Variants in BORA observed in about 807,000 individuals in gnomAD.
The protein encoded by BORA is BORA aurora kinase A activator, also known as protein aurora borealis.
A neutral mutation model predicts 55.8 loss-of-function variants in BORA; 26 were observed. The observed-to-expected ratio is 0.47, with a 90% CI of 0.34 to 0.65. BORA has a LOEUF of 0.65. Among genes scored for constraint, BORA ranks in the 30% least tolerant of loss-of-function variants. The probability of loss-of-function intolerance (pLI) is 0.01; values close to 1 mark genes in which losing one functional copy is unlikely to be tolerated. For missense variants in BORA, 568 were observed against 671.5 expected (o/e 0.85, Z 1.70); for synonymous variants, 201 against 216.9 (o/e 0.93, Z 0.64).
intron 10 of BORA, among the ~76,000 whole-genome samples, chr13:72,747,682 C>T (rs1051558538): frequency 6.6e-6 from 1 of 151,750 alleles, no homozygotes; most frequent in Non-Finnish European, 1.5e-5. Flanking sequence ...TACAGGTGTG[C>T]GTCACCACAC....
intron 9 of BORA, 42 bp from the exon 10 acceptor site, chr13:72,746,459 A>T (rs776013486): frequency 3.2e-6 from 5 of 1,553,646 alleles, no homozygotes; most frequent in Non-Finnish European, 4.3e-6. Flanking sequence ...TTCCATTTTC[A>T]TGTTTTTATG....
In BORA at chr13:72,743,269, A is replaced by C. The variant is rs192920121; in HGVS notation, c.389-268A>C. ...TTGAAACATCACATTGTACCCCATA[A>C]ATGTATACAATTATTTAAAGAAAAA... On this transcript the variant is annotated intron_variant, in intron 5 of 11. Transcript: ENST00000390667. Among the ~76,000 whole-genome samples the C allele has an allele frequency of 4.6e-5, 7 of 152,296 alleles. No homozygotes were observed. The East Asian group carries it at 1.2e-3, about 25-fold the overall frequency.
chr13:72,734,339 C>T (rs189909977), intron 3 of BORA, among the ~76,000 whole-genome samples: 1 of 152,078 alleles, frequency 6.6e-6, no homozygotes, highest in East Asian at 1.9e-4. Flanking sequence ...GAGTCCTTGG[C>T]AAGTATATGC....
intron 10 of BORA, among the ~76,000 whole-genome samples, chr13:72,748,725 ACTTTCTCTCTCT>A (rs1308038629): frequency 4.7e-5 from 3 of 63,536 alleles, no homozygotes; most frequent in Non-Finnish European, 8.6e-5. Flanking sequence ...GCCTTTTTTC[ACTTTCTCTCTCT>A]CTCTCTCTCT....
intron 6 of BORA, 151 bp from the exon 7 acceptor site, chr13:72,744,354 G>A: frequency 4.8e-6 from 3 of 631,532 alleles, no homozygotes; most frequent in Middle Eastern, 4.4e-4. Context: ...AGGTGGCAGG[G>A]TATGTGATAG....
intron 3 of BORA, among the ~76,000 whole-genome samples, chr13:72,734,525 C>T (rs1253514016): frequency 6.6e-6 from 1 of 152,152 alleles, no homozygotes; most frequent in Non-Finnish European, 1.5e-5. Context: ...CTATCCTCAT[C>T]TATTTTACAG....
intron 6 of BORA, 62 bp downstream of exon 6, chr13:72,743,664 C>T: frequency 7.8e-7 from 1 of 1,287,530 alleles, no homozygotes; most frequent in Non-Finnish European, 1.1e-6. Context: ...GAATTCTAAA[C>T]CCAGTTCAGG....
At chr13:72,737,940 T>C (rs1359664300) in intron 4 of BORA, 22 bp from the exon 5 acceptor site, 3 of 1,512,212 alleles carry the variant, frequency 2.0e-6, no homozygotes, top group Non-Finnish European at 1.8e-6. Context: ...TATGCCTAAT[T>C]GTATGACTTT....
intron 10 of BORA, chr13:72,752,635 G>C (rs955725340): frequency 2.4e-4 from 36 of 152,166 alleles, no homozygotes; most frequent in African/African-American, 8.7e-4. Flanking sequence ...AGTAGCTATT[G>C]AATGATAGCA....
At chr13:72,733,401 A>G (rs1176724073) in intron 3 of BORA, among the ~76,000 whole-genome samples, 1 of 152,188 alleles carries the variant, frequency 6.6e-6, no homozygotes, top group African/African-American at 2.4e-5. Context: ...ACCTATATGC[A>G]TCATACTGGT....
intron 5 of BORA, among the ~76,000 whole-genome samples, chr13:72,742,354 G>C (rs1374869467): frequency 1.3e-5 from 2 of 150,060 alleles, no homozygotes; most frequent in African/African-American, 4.9e-5. Flanking sequence ...TTTTTAATCT[G>C]GTGATTTTTC....
At chr13:72,743,726 TTA>T in intron 6 of BORA, 124 bp downstream of exon 6, 1 of 745,696 alleles carries the variant, frequency 1.3e-6, no homozygotes, top group Non-Finnish European at 2.0e-6. Flanking sequence ...TTTTTTTAAT[TTA>T]TTTTTGTTTT....
Position 72,755,541 on chromosome 13 carries a change from G to C in BORA, c.*325G>C, listed in dbSNP as rs1350268943. 1 of 345,912 alleles carries C rather than the reference G, an allele frequency of 2.9e-6. No homozygotes were observed. Among genetic ancestry groups the C allele is most frequent in the African/African-American group, 2.1e-5 (1 of 47,702 alleles). 21.4% of individuals were successfully genotyped at this position (345,912 alleles called of 1,614,324 possible). A position where few individuals can be genotyped will look rare whatever the true frequency, so the allele number is the denominator to read the frequency against. On this transcript the variant is annotated 3_prime_UTR_variant, in exon 12 of 12. Transcript: ENST00000390667. Reference sequence around the variant, plus strand: ...AACTACTTATTAAGCCTTACTGGTAGCACTGAATTTAGCAGTTCTGAGAAC... The same window carrying C: ...AACTACTTATTAAGCCTTACTGGTACCACTGAATTTAGCAGTTCTGAGAAC...
At chr13:72,733,509 G>A (rs2032860450) in intron 3 of BORA, among the ~76,000 whole-genome samples, 1 of 152,186 alleles carries the variant, frequency 6.6e-6, no homozygotes, top group Non-Finnish European at 1.5e-5. Context: ...GATTTTTACA[G>A]TTTCCAGCAA....
intron 6 of BORA, 102 bp downstream of exon 6, chr13:72,743,704 G>GT: frequency 4.1e-6 from 3 of 739,602 alleles, no homozygotes; most frequent in Admixed American, 8.6e-5. Context: ...AATTGAAATT[G>GT]TTTCCTTTTT....
intron 5 of BORA, among the ~76,000 whole-genome samples, chr13:72,740,316 GC>G (rs1233809356): frequency 6.6e-6 from 1 of 152,094 alleles, no homozygotes; most frequent in Admixed American, 6.6e-5. Context: ...CTTTATCTCT[GC>G]CCCCAGAAGC....
chr13:72,742,879 A>G (rs925119632), intron 5 of BORA, among the ~76,000 whole-genome samples: 14 of 152,162 alleles, frequency 9.2e-5, no homozygotes, highest in Admixed American at 3.3e-4. Flanking sequence ...ATATGAATCT[A>G]GAGGACATTA....
rs1044700556 is a variant in BORA at position 72,747,186 on chromosome 13, A to C, written c.1482+75A>C. The C allele has an allele frequency of 4.2e-5, 62 of 1,482,928 alleles. No individual in the cohort carries two copies. In the Admixed American group the frequency reaches 1.2e-3, roughly 28 times the overall value. 91.9% of individuals were successfully genotyped at this position (1,482,928 alleles called of 1,614,324 possible). A position where few individuals can be genotyped will look rare whatever the true frequency, so the allele number is the denominator to read the frequency against. ...TTATCCTTTCTAAGATTATAGTATA[A>C]GAAAGATAATGGATTAAACATGAGG... On this transcript the variant is annotated intron_variant, in intron 10 of 11. Coordinates refer to ENST00000390667, the MANE Select transcript of BORA (RefSeq NM_024808.5).
intron 3 of BORA, among the ~76,000 whole-genome samples, chr13:72,733,150 ATTC>A (rs2032853040): frequency 6.6e-6 from 1 of 152,246 alleles, no homozygotes; most frequent in Non-Finnish European, 1.5e-5. Context: ...TAGTCAATAT[ATTC>A]TTCACAGAGC....
Sources: gnomAD v4.1 joint callset for allele counts (sites outside exome capture counted in the v4.1 genomes callset) on GRCh38, gnomAD v4.1.1 for gene constraint, MANE v1.5 for transcripts, NCBI Gene and HGNC (gene_info 2026-07-23, HGNC 2026-07-21) for gene names.